The following ZNF280C variants were observed in gnomAD, a reference collection of about 807,000 sequenced individuals.
ZNF280C encodes the protein suppressor of hairy wing homolog 3.
ZNF280C carries 14 observed loss-of-function variants against 53.6 expected under a neutral mutation model. The observed-to-expected ratio is 0.26, with a 90% CI of 0.17 to 0.41. The LOEUF (loss-of-function observed/expected upper bound fraction) is 0.41. Among genes scored for constraint, ZNF280C ranks in the 10% least tolerant of loss-of-function variants. The pLI, the probability that ZNF280C is intolerant of heterozygous loss-of-function variation, is 1.00. For missense variants in ZNF280C, 416 were observed against 547.1 expected (o/e 0.76, Z 2.39); for synonymous variants, 203 against 181.1 (o/e 1.12, Z -0.97).
chrX:130,214,953 A>G (rs998600193), intron 15 of ZNF280C, among the ~76,000 whole-genome samples: 1 of 111,951 alleles, frequency 8.9e-6, no homozygotes, highest in African/African-American at 3.2e-5. Context: ...AGAAAAAACA[A>G]ATTTCCCTAA....
At chrX:130,205,474 G>A (rs2031962958) in intron 16 of ZNF280C, 59 bp from the exon 17 acceptor site, 19 of 810,574 alleles carry the variant, frequency 2.3e-5, no homozygotes, top group South Asian at 8.4e-5. Flanking sequence ...ATCCATATGA[G>A]CTCAATAATT....
intron 3 of ZNF280C, among the ~76,000 whole-genome samples, chrX:130,245,520 C>T (rs1394923126): frequency 8.9e-6 from 1 of 111,741 alleles, no homozygotes. Context: ...CTAAATTATT[C>T]TGCCTCTGAT....
chrX:130,242,891 TGGTCTC>T (rs2032409026), intron 5 of ZNF280C, among the ~76,000 whole-genome samples: 1 of 111,392 alleles, frequency 9.0e-6, no homozygotes, highest in African/African-American at 3.3e-5. Context: ...TTGCTCAGGC[TGGTCTC>T]GAACTACTGA....
At chrX:130,248,380 G>A (rs766713469) in intron 2 of ZNF280C, among the ~76,000 whole-genome samples, 8 of 109,781 alleles carry the variant, frequency 7.3e-5, no homozygotes, top group African/African-American at 1.0e-4. Context: ...TGGGAATCCC[G>A]GCAGGAGAAG....
intron 5 of ZNF280C, among the ~76,000 whole-genome samples, chrX:130,242,004 G>GGGC (rs1556310442): frequency 4.2e-5 from 4 of 95,084 alleles, no homozygotes; most frequent in Admixed American, 1.1e-4. Flanking sequence ...GGAAGCCGGG[G>GGGC]GGGGGCGGGT....
chrX:130,254,921 A>C (rs971447985), intron 2 of ZNF280C, among the ~76,000 whole-genome samples: 4 of 110,400 alleles, frequency 3.6e-5, no homozygotes, highest in African/African-American at 1.3e-4. Context: ...AAAGTTAAAA[A>C]AAGAAGACAC....
chrX:130,233,967 G>A (rs1489478062), intron 8 of ZNF280C, among the ~76,000 whole-genome samples: 3 of 109,862 alleles, frequency 2.7e-5, no homozygotes, highest in African/African-American at 9.9e-5. Flanking sequence ...AAATCACAAA[G>A]TGAAAGACTT....
intron 16 of ZNF280C, among the ~76,000 whole-genome samples, chrX:130,208,777 C>T (rs1198087944): frequency 9.2e-6 from 1 of 108,729 alleles, no homozygotes; most frequent in Non-Finnish European, 1.9e-5. Context: ...CTCACTGCAA[C>T]CTCTGCCCTC....
intron 1 of ZNF280C, among the ~76,000 whole-genome samples, chrX:130,263,688 G>C (rs1180486681): frequency 1.8e-5 from 2 of 111,438 alleles, no homozygotes; most frequent in Middle Eastern, 4.2e-3. Flanking sequence ...CACTTCAAAT[G>C]AGTAAATTGT....
chrX:130,243,944 C>T, intron 3 of ZNF280C, 79 bp from the exon 4 acceptor site: 2 of 600,655 alleles, frequency 3.3e-6, no homozygotes, highest in Non-Finnish European at 4.9e-6. Flanking sequence ...AAAAACATAT[C>T]TTTGCATAAC....
chrX:130,212,130 T>C (rs2032047250), intron 15 of ZNF280C, among the ~76,000 whole-genome samples: 1 of 111,526 alleles, frequency 9.0e-6, no homozygotes, highest in African/African-American at 3.3e-5. Context: ...GAGAACTCCA[T>C]GGGCTTCAGA....
chrX:130,228,876 GTCTACT>G, intron 10 of ZNF280C, 95 bp downstream of exon 10: 1 of 830,708 alleles, frequency 1.2e-6, no homozygotes, highest in South Asian at 3.9e-5. Context: ...ATATTACAAA[GTCTACT>G]TCTTATTTTT....
chrX:130,261,305 A>G (rs940754233), intron 1 of ZNF280C, among the ~76,000 whole-genome samples: 5 of 112,429 alleles, frequency 4.4e-5, no homozygotes, highest in African/African-American at 1.6e-4. Flanking sequence ...TGCACTGAAC[A>G]TACCATATAT....
intron 1 of ZNF280C, among the ~76,000 whole-genome samples, chrX:130,263,547 G>A (rs2032653405): frequency 9.0e-6 from 1 of 111,512 alleles, no homozygotes; most frequent in Admixed American, 9.5e-5. Context: ...CATATGGTTG[G>A]GAGGGTTGGT....
intron 2 of ZNF280C, among the ~76,000 whole-genome samples, chrX:130,251,966 T>C (rs2032517825): frequency 9.1e-6 from 1 of 110,021 alleles, no homozygotes; most frequent in Non-Finnish European, 1.9e-5. Context: ...ACACAAAAAT[T>C]ACCCAGGCAT....
chrX:130,248,162 T>TG (rs1328088273), intron 2 of ZNF280C, among the ~76,000 whole-genome samples: 2 of 91,427 alleles, frequency 2.2e-5, no homozygotes, highest in East Asian at 6.6e-4. Context: ...ACCGAGGGAC[T>TG]GGGACAACTG....
intron 2 of ZNF280C, among the ~76,000 whole-genome samples, chrX:130,253,266 T>C (rs1464507076): frequency 8.9e-6 from 1 of 112,396 alleles, no homozygotes; most frequent in Non-Finnish European, 1.9e-5. Flanking sequence ...AAATCAGAGA[T>C]GACACAAACA....
chrX:130,210,409 A>C (rs766658117), intron 15 of ZNF280C, among the ~76,000 whole-genome samples: 1 of 112,209 alleles, frequency 8.9e-6, no homozygotes, highest in African/African-American at 3.2e-5. Context: ...GATATTTGAT[A>C]ATGTATTTTG....
chrX:130,265,211 T>G (rs1018163443), intron 1 of ZNF280C, among the ~76,000 whole-genome samples: 1 of 112,100 alleles, frequency 8.9e-6, no homozygotes, highest in East Asian at 2.8e-4. Context: ...TTGTAGAAAA[T>G]AGCTGGTTTA....
Sources: gnomAD v4.1 joint callset for allele counts (sites outside exome capture counted in the v4.1 genomes callset) on GRCh38, gnomAD v4.1.1 for gene constraint, MANE v1.5 for transcripts, NCBI Gene and HGNC (gene_info 2026-07-23, HGNC 2026-07-21) for gene names.